IL7: variants seen among roughly 807,000 people sequenced by gnomAD.
IL7 encodes interleukin 7, also known as interleukin-7.
Under a neutral mutation model 21.6 loss-of-function variants are expected in IL7, and 3 were observed. The ratio of observed to expected loss-of-function variants is 0.14; its 90% CI spans 0.06 to 0.36. The LOEUF (loss-of-function observed/expected upper bound fraction) is 0.36. IL7 is among the 10% of genes least tolerant of loss of function. IL7 has a pLI of 1.00. For synonymous variants in IL7, 62 were observed against 68.1 expected, an observed-to-expected ratio of 0.91 and a Z score of 0.44; for missense variants, 175 against 200.2, an observed-to-expected ratio of 0.87 and a Z score of 0.76.
intron 3 of IL7, among the ~76,000 whole-genome samples, chr8:78,724,967 AT>A (rs1811315160): frequency 6.6e-6 from 1 of 152,046 alleles, no homozygotes; most frequent in Admixed American, 6.6e-5. Context: ...GTGAAAAATT[AT>A]TTTGATTTGT....
chr8:78,757,323 G>C (rs563896235), intron 2 of IL7, among the ~76,000 whole-genome samples: 1 of 152,138 alleles, frequency 6.6e-6, no homozygotes, highest in Non-Finnish European at 1.5e-5. Context: ...TTATCCTGAA[G>C]AACGTTCCAT....
In IL7 at chr8:78,736,505, G is replaced by A. The variant is rs142936222; in HGVS notation, c.383C>T (p.Ala128Val). 1.6e-4 allele frequency: 256 copies of A among 1,602,360 alleles called. No homozygotes were observed. Among genetic ancestry groups the A allele is most frequent in the Middle Eastern group, 1.2e-3 (7 of 6,050 alleles). ...CTTTGTTGGTTGGGCTTCACCCAGG[G>A]CAGCTGGTTTTCTTCCTTTAACCTT... ...TGQVKGRKPAALGEAQPTKSL... is the reference protein window; with the variant it reads ...TGQVKGRKPAVLGEAQPTKSL... Residue 128 changes from alanine to valine, a missense_variant, in exon 5 of 6, where the codon GCC (alanine) becomes GTC (valine). Coordinates refer to ENST00000263851, the MANE Select transcript of IL7 (RefSeq NM_000880.4).
intron 2 of IL7, among the ~76,000 whole-genome samples, chr8:78,770,440 G>GA (rs1444028209): frequency 6.6e-6 from 1 of 152,038 alleles, no homozygotes; most frequent in Non-Finnish European, 1.5e-5. Context: ...ATGCTTCCTT[G>GA]AAAAAATTCA....
At chr8:78,690,989 G>A (rs1393733837) in intron 3 of IL7, among the ~76,000 whole-genome samples, 2 of 151,910 alleles carry the variant, frequency 1.3e-5, no homozygotes, top group Non-Finnish European at 2.9e-5. Context: ...AGATTTCTTA[G>A]GACTTTTCTA....
chr8:78,745,016 T>C (rs1198360787), intron 2 of IL7, among the ~76,000 whole-genome samples: 1 of 152,228 alleles, frequency 6.6e-6, no homozygotes, highest in African/African-American at 2.4e-5. Flanking sequence ...TGCGAGTACT[T>C]GGATGTTTCA....
At chr8:78,802,119 A>G (rs943592996) in intron 1 of IL7, among the ~76,000 whole-genome samples, 8 of 152,238 alleles carry the variant, frequency 5.3e-5, no homozygotes, top group African/African-American at 1.9e-4. Context: ...TTAAACCAGA[A>G]GGAGGTCTGT....
chr8:78,679,681 A>C (rs1809702705), intron 4 of IL7, among the ~76,000 whole-genome samples: 1 of 152,162 alleles, frequency 6.6e-6, no homozygotes, highest in Non-Finnish European at 1.5e-5. Flanking sequence ...TAAGTACCTG[A>C]TTGAATAGGT....
chr8:78,733,598 C>A lies in IL7; in HGVS notation c.*115G>T. 9.3e-7 allele frequency: 1 copy of A among 1,074,432 alleles called. No homozygotes were observed. Among genetic ancestry groups the A allele is most frequent in the Non-Finnish European group, 1.3e-6 (1 of 743,268 alleles). The allele number at this position is 1,074,432 out of a possible 1,614,324, so 66.6% of individuals were successfully genotyped here. A position where few individuals can be genotyped will look rare whatever the true frequency, so the allele number is the denominator to read the frequency against. ...CTCAAATGCCCTAATCCGTTTTGACCATGGTGCATTCAGTAACTTCTAGGA... is the reference window on the plus strand; with the variant it reads ...CTCAAATGCCCTAATCCGTTTTGACAATGGTGCATTCAGTAACTTCTAGGA... On this transcript the variant is annotated 3_prime_UTR_variant, in exon 6 of 6. Coordinates refer to ENST00000263851, the MANE Select transcript of IL7 (RefSeq NM_000880.4).
downstream of IL7, among the ~76,000 whole-genome samples, chr8:78,714,605 A>G (rs545290327): frequency 2.0e-5 from 3 of 152,158 alleles, no homozygotes; most frequent in African/African-American, 4.8e-5. Context: ...TTAGTTTTCT[A>G]ACCCTTCTTT....
At chr8:78,788,135 C>A (rs1813571233) in intron 2 of IL7, among the ~76,000 whole-genome samples, 2 of 152,144 alleles carry the variant, frequency 1.3e-5, no homozygotes, top group South Asian at 4.1e-4. Flanking sequence ...TAGTTTGTGT[C>A]TTGTTTCTTA....
intron 2 of IL7, among the ~76,000 whole-genome samples, chr8:78,790,705 G>T (rs1813659795): frequency 1.3e-5 from 2 of 151,854 alleles, no homozygotes. Context: ...AATTCCATTT[G>T]CAATAGCATT....
chr8:78,747,239 G>A (rs938808372), intron 2 of IL7: 3 of 350,090 alleles, frequency 8.6e-6, no homozygotes, highest in African/African-American at 4.9e-5. Context: ...AGGCTGGAGT[G>A]CAGTGGCATG....
intron 2 of IL7, among the ~76,000 whole-genome samples, chr8:78,758,255 T>C (rs1042570972): frequency 6.6e-6 from 1 of 152,114 alleles, no homozygotes; most frequent in South Asian, 2.1e-4. Flanking sequence ...ATTTAAACCA[T>C]TTACATTCAA....
chr8:78,712,228 G>A, intron 3 of IL7: 1 of 416,298 alleles, frequency 2.4e-6, no homozygotes, highest in Non-Finnish European at 3.9e-6. Flanking sequence ...TAATTTCTAA[G>A]CCAAAATGTG....
intron 2 of IL7, among the ~76,000 whole-genome samples, chr8:78,742,382 TAAG>T (rs1811817324): frequency 6.6e-6 from 1 of 152,086 alleles, no homozygotes; most frequent in Admixed American, 6.6e-5. Context: ...AAGATGTACA[TAAG>T]AAACAAATTT....
chr8:78,793,711 A>T (rs1813768233), intron 2 of IL7, among the ~76,000 whole-genome samples: 1 of 152,094 alleles, frequency 6.6e-6, no homozygotes, highest in Non-Finnish European at 1.5e-5. Flanking sequence ...CACATAGATT[A>T]ACTCTTTCTT....
Position 78,805,191 on chromosome 8 carries a change from T to C in IL7, c.-269A>G. On this transcript the variant is annotated 5_prime_UTR_variant, in exon 1 of 6. Coordinates refer to ENST00000263851, the MANE Select transcript of IL7 (RefSeq NM_000880.4). ...CCGCCAGCAGTGTACTTTCAGTTTC[T>C]ACTTTGCGCTTGGTCTGCAGGTTCA... 1 of 409,786 alleles carries C rather than the reference T, an allele frequency of 2.4e-6. No individual in the cohort carries two copies. The highest frequency in any genetic ancestry group is 4.4e-6 in the Non-Finnish European group (1 of 227,778). The allele number at this position is 409,786 out of a possible 1,614,324, so 25.4% of individuals were successfully genotyped here.
At chr8:78,684,896 G>A (rs1346751952) in intron 4 of IL7, among the ~76,000 whole-genome samples, 5 of 152,068 alleles carry the variant, frequency 3.3e-5, no homozygotes, top group Admixed American at 1.3e-4. Flanking sequence ...TCTTGTATAG[G>A]TAGACTCGAC....
chr8:78,802,653 G>A (rs536237487), intron 1 of IL7, among the ~76,000 whole-genome samples: 8 of 152,010 alleles, frequency 5.3e-5, no homozygotes, highest in Admixed American at 2.6e-4. Flanking sequence ...GCCTGGTCTC[G>A]AACTCCTGAC....
Sources: allele counts gnomAD v4.1 joint callset (sites outside exome capture counted in the v4.1 genomes callset), GRCh38; gene constraint gnomAD v4.1.1; transcripts MANE v1.5; gene names NCBI Gene and HGNC (gene_info 2026-07-23, HGNC 2026-07-21).